The following ZNF385C variants were observed in gnomAD, a reference collection of about 807,000 sequenced individuals.
The protein encoded by ZNF385C is zinc finger protein 385C, also known as CTD-2132N18.2.
A neutral mutation model predicts 35.4 loss-of-function variants in ZNF385C; 28 were observed. The observed-to-expected ratio is 0.79, with a 90% CI of 0.59 to 1.08. The LOEUF is 1.08. Among genes scored for constraint, ZNF385C ranks in the 50% least tolerant of loss-of-function variants. ZNF385C has a pLI of 0.00. For missense variants in ZNF385C, 605 were observed against 595.6 expected (o/e 1.02, Z -0.16); for synonymous variants, 248 against 248.2 (o/e 1.00, Z 0.01).
chr17:42,039,947 C>G, intron 2 of ZNF385C: 1 of 1,231,182 alleles, frequency 8.1e-7, no homozygotes, highest in African/African-American at 1.6e-5. Flanking sequence ...GCGGCGAAGT[C>G]GGGGAAGAGC....
At chr17:42,034,094 CCAG>C (rs2052788056) in intron 4 of ZNF385C, 128 bp downstream of exon 4, 2 of 737,274 alleles carry the variant, frequency 2.7e-6, no homozygotes, top group Non-Finnish European at 4.7e-6. Flanking sequence ...TCTTCTGCAG[CCAG>C]GGTGGAAAAT....
intron 5 of ZNF385C, among the ~76,000 whole-genome samples, chr17:42,030,073 G>A (rs782005641): frequency 7.2e-5 from 11 of 151,792 alleles, no homozygotes; most frequent in Non-Finnish European, 1.6e-4. Context: ...AAAAAATAGT[G>A]GTATGATCCA....
At chr17:42,027,803 C>T in intron 7 of ZNF385C, 75 bp from the exon 8 acceptor site, 1 of 1,466,074 alleles carries the variant, frequency 6.8e-7, no homozygotes, top group South Asian at 1.2e-5. Flanking sequence ...CTCGACTCTT[C>T]CCCTTCCTCT....
chr17:42,070,979 G>T (rs1444717600), intron 1 of ZNF385C, among the ~76,000 whole-genome samples: 1 of 152,156 alleles, frequency 6.6e-6, no homozygotes, highest in Non-Finnish European at 1.5e-5. Flanking sequence ...TTAGTGGTGT[G>T]GCCACCACAG....
chr17:42,038,013 C>T (rs1422048228), intron 2 of ZNF385C, 128 bp from the exon 3 acceptor site: 22 of 1,536,696 alleles, frequency 1.4e-5, no homozygotes, highest in South Asian at 5.9e-5. Context: ...CAGAGTGGCA[C>T]CAGCCAGACC....
At chr17:42,028,723 T>C in intron 6 of ZNF385C, 60 bp downstream of exon 6, 1 of 1,502,658 alleles carries the variant, frequency 6.7e-7, no homozygotes, top group Non-Finnish European at 8.9e-7. Context: ...TGCCCTCATC[T>C]GGCGAGGCTT....
At chr17:42,062,138 CTGTT>C (rs1232266299) in intron 2 of ZNF385C, 1 of 152,996 alleles carries the variant, frequency 6.5e-6, no homozygotes, top group Non-Finnish European at 1.5e-5. Context: ...GAATGTGAAT[CTGTT>C]TGCTCTGCCA....
At position 42,062,797 on chromosome 17, in the gene ZNF385C, C is replaced by T; in HGVS notation, c.250+10G>A. 1.7e-6 allele frequency: 1 copy of T among 584,112 alleles called. No homozygotes were observed. Among genetic ancestry groups the T allele is most frequent in the East Asian group, 3.0e-5 (1 of 33,718 alleles). The allele number at this position is 584,112 out of a possible 1,614,324, so 36.2% of individuals were successfully genotyped here. A position where few individuals can be genotyped will look rare whatever the true frequency, so the allele number is the denominator to read the frequency against. On this transcript the variant is annotated intron_variant, in intron 2 of 8. Coordinates refer to ENST00000692273, the MANE Select transcript of ZNF385C (RefSeq NM_001392013.1). The stretch of plus-strand genomic sequence containing the variant: ...CAAATTTGTGGGAGCAGCGTCCCCT[C>T]TACACTGACCTGGCCCTGAGGGGCT...
chr17:42,029,141 A>G lies in ZNF385C; in HGVS notation c.677-68T>C, dbSNP rs7210636. The G allele has an allele frequency of 4.9e-3, 7,300 of 1,484,972 alleles. 296 individuals carry two copies. The African/African-American group carries it at 0.089, about 18-fold the overall frequency. The allele number at this position is 1,484,972 out of a possible 1,614,324, so 92.0% of individuals were successfully genotyped here. On this transcript the variant is annotated intron_variant, in intron 5 of 8. Coordinates refer to ENST00000692273, the MANE Select transcript of ZNF385C (RefSeq NM_001392013.1). ...CAGACCACGATCTTCAGCTCTGACC[A>G]TGGAGGTGGCCTGGAGGGCCCCTGG... is the stretch of plus-strand genomic sequence containing the variant.
intron 2 of ZNF385C, chr17:42,040,279 C>T (rs1189075787): frequency 2.0e-5 from 25 of 1,231,554 alleles, no homozygotes; most frequent in Non-Finnish European, 2.5e-5. Flanking sequence ...CTCCAAGCCC[C>T]GGACCGCAGC....
intron 1 of ZNF385C, among the ~76,000 whole-genome samples, chr17:42,063,436 G>T (rs150069751): frequency 0.039 from 5,935 of 152,300 alleles, 376 homozygotes; most frequent in African/African-American, 0.13. Flanking sequence ...GCTGATGCAG[G>T]AGAATCACTT....
intron 3 of ZNF385C, among the ~76,000 whole-genome samples, chr17:42,036,318 C>A (rs1384334663): frequency 2.0e-5 from 3 of 151,514 alleles, no homozygotes; most frequent in African/African-American, 7.3e-5. Flanking sequence ...TATTTTAAAT[C>A]ATTTTTTTCT....
intron 2 of ZNF385C, among the ~76,000 whole-genome samples, chr17:42,059,675 G>C (rs2053432770): frequency 6.6e-6 from 1 of 152,154 alleles, no homozygotes; most frequent in Admixed American, 6.5e-5. Flanking sequence ...AGGCTGGAGT[G>C]CAGTGGTGCG....
chr17:42,035,037 T>TGA (rs1202358631), intron 3 of ZNF385C, among the ~76,000 whole-genome samples: 2 of 135,364 alleles, frequency 1.5e-5, no homozygotes, highest in African/African-American at 5.6e-5. Flanking sequence ...GCAGGAGGCT[T>TGA]GAACCTCAGA....
chr17:42,037,713 C>G (rs2052892544), intron 3 of ZNF385C, 24 bp downstream of exon 3: 1 of 1,494,076 alleles, frequency 6.7e-7, no homozygotes, highest in Non-Finnish European at 8.9e-7. Flanking sequence ...TGTGCATGCC[C>G]CCACCCGCCA....
chr17:42,039,626 T>A (rs2052955938), intron 2 of ZNF385C: 12 of 1,186,432 alleles, frequency 1.0e-5, no homozygotes, highest in Non-Finnish European at 1.2e-5. Flanking sequence ...TCATCTTGGG[T>A]GCAGCATGGT....
intron 1 of ZNF385C, among the ~76,000 whole-genome samples, chr17:42,068,420 C>T (rs950106462): frequency 1.3e-5 from 2 of 151,428 alleles, no homozygotes; most frequent in African/African-American, 4.9e-5. Context: ...TCTTTCTCTT[C>T]GCCCCCCAGC....
chr17:42,083,393 C>G (rs555364121), intron 1 of ZNF385C, among the ~76,000 whole-genome samples: 1 of 151,758 alleles, frequency 6.6e-6, no homozygotes, highest in African/African-American at 2.4e-5. Flanking sequence ...TTGGTAGAGA[C>G]GGGGTTTCAC....
chr17:42,064,541 G>A (rs746635820), intron 1 of ZNF385C, among the ~76,000 whole-genome samples: 9 of 151,952 alleles, frequency 5.9e-5, no homozygotes, highest in South Asian at 2.1e-4. Flanking sequence ...CATACCGGTG[G>A]GCCCTAATTC....
Sources: gnomAD v4.1 joint callset for allele counts (sites outside exome capture counted in the v4.1 genomes callset) on GRCh38, gnomAD v4.1.1 for gene constraint, MANE v1.5 for transcripts, NCBI Gene and HGNC (gene_info 2026-07-23, HGNC 2026-07-21) for gene names.